The following TTC34 variants were observed in gnomAD, a reference collection of about 807,000 sequenced individuals.
The protein encoded by TTC34 is tetratricopeptide repeat protein 34.
In TTC34, 44 loss-of-function variants were observed where a neutral mutation model predicts 40.7. The ratio of observed to expected loss-of-function variants is 1.08; its 90% CI spans 0.85 to 1.39. The LOEUF is 1.39. Among genes scored for constraint, TTC34 ranks in the 40% most tolerant of loss-of-function variants. TTC34 has a pLI of 0.00. For missense variants in TTC34, 884 were observed against 838.0 expected (o/e 1.05, Z -0.68); for synonymous variants, 422 against 398.6 (o/e 1.06, Z -0.70).
chr1:2,755,849 GAAC>G (rs1641487584), intron 6 of TTC34, among the ~76,000 whole-genome samples: 1 of 83,644 alleles, frequency 1.2e-5, no homozygotes. Flanking sequence ...CGACAGCCTG[GAAC>G]ATCACCCACA....
intron 6 of TTC34, among the ~76,000 whole-genome samples, chr1:2,750,502 A>G (rs1366945781): frequency 1.5e-5 from 2 of 137,162 alleles, no homozygotes; most frequent in African/African-American, 3.0e-5. Flanking sequence ...TGAGCATTGG[A>G]CAGCCTGGAT....
At position 2,789,596 on chromosome 1, in the gene TTC34, C is replaced by T. The variant is rs1228485580; in HGVS notation, c.1535G>A (p.Arg512His). The change falls in exon 3 of 9, where the codon CGT (arginine) becomes CAT (histidine). Residue 512 changes from arginine (R) to histidine (H), a missense_variant. Coordinates refer to ENST00000401095, the Ensembl canonical transcript of TTC34. ...GCGTGGAGATCGCTGCAGCATCCCA[C>T]GGGCCTCCTCCCGCAGCACCACCAG... 6.4e-6 allele frequency: 9 copies of T among 1,410,064 alleles called. No homozygotes were observed. The East Asian group carries it at 2.1e-4, about 33-fold the overall frequency. The allele number at this position is 1,410,064 out of a possible 1,614,324, so 87.3% of individuals were successfully genotyped here.
At chr1:2,797,471 T>G (rs1425707906) in intron 2 of TTC34, among the ~76,000 whole-genome samples, 1 of 152,142 alleles carries the variant, frequency 6.6e-6, no homozygotes, top group Non-Finnish European at 1.5e-5. Context: ...CCCCCCTTTT[T>G]CAAACTGAGC....
At chr1:2,699,426 T>C (rs978410695) in intron 6 of TTC34, among the ~76,000 whole-genome samples, 1 of 90,038 alleles carries the variant, frequency 1.1e-5, no homozygotes, top group African/African-American at 3.6e-5. Flanking sequence ...AAGGTGAGTA[T>C]CTGACAGCCT....
At chr1:2,683,926 A>C (rs1640200413) in intron 6 of TTC34, among the ~76,000 whole-genome samples, 1 of 146,344 alleles carries the variant, frequency 6.8e-6, no homozygotes, top group Non-Finnish European at 1.5e-5. Flanking sequence ...CCAGGTGAGC[A>C]TCTGATGGTC....
At chr1:2,683,415 T>A (rs1640168977) in intron 6 of TTC34, among the ~76,000 whole-genome samples, 2 of 124,148 alleles carry the variant, frequency 1.6e-5, no homozygotes, top group African/African-American at 6.6e-5. Context: ...TCCGATAGCC[T>A]GGAACACCAC....
chr1:2,688,933 C>A (rs78635824), intron 6 of TTC34, among the ~76,000 whole-genome samples: 2 of 48,454 alleles, frequency 4.1e-5, no homozygotes, highest in African/African-American at 1.1e-4. Context: ...GCACCCACAT[C>A]CCCAGGTGAG....
At chr1:2,690,333 C>T (rs555039384) in intron 6 of TTC34, among the ~76,000 whole-genome samples, 10 of 150,352 alleles carry the variant, frequency 6.7e-5, no homozygotes, top group East Asian at 2.0e-4. Flanking sequence ...CAGAGCAGCA[C>T]CCATACCCCC....
intron 6 of TTC34, among the ~76,000 whole-genome samples, chr1:2,757,061 C>CCTG (rs1641531031): frequency 8.3e-6 from 1 of 120,872 alleles, no homozygotes; most frequent in Non-Finnish European, 1.7e-5. Flanking sequence ...GGAACAGGAC[C>CCTG]CACACCCCCA....
At chr1:2,643,175 T>A (rs557731453) in intron 8 of TTC34, among the ~76,000 whole-genome samples, 1 of 152,112 alleles carries the variant, frequency 6.6e-6, no homozygotes. Flanking sequence ...CAGACTCCCC[T>A]GAGCCCGCGG....
intron 6 of TTC34, among the ~76,000 whole-genome samples, chr1:2,685,238 C>CT (rs1439408351): frequency 2.2e-4 from 7 of 31,480 alleles, no homozygotes; most frequent in Admixed American, 7.8e-4. Flanking sequence ...AGCACCCACA[C>CT]CCCAGGTGAG....
chr1:2,685,988 C>A lies in TTC34; in HGVS notation c.2227-40425G>T. Among the ~76,000 whole-genome samples the A allele has an allele frequency of 2.0e-5, 2 of 98,712 alleles. 1 individual carries two copies. The highest frequency in any genetic ancestry group is 4.0e-5 in the Non-Finnish European group (2 of 49,878). The allele number at this position is 98,712 out of a possible 152,430, so 64.8% of individuals were successfully genotyped here. ...CAGGCGAGCATCTGACTGCATGTATCAGCACCCACACCCCCAGGTGAGCAT... is the reference window on the plus strand; with the variant it reads ...CAGGCGAGCATCTGACTGCATGTATAAGCACCCACACCCCCAGGTGAGCAT... On this transcript the variant is annotated intron_variant, in intron 6 of 8. Coordinates refer to ENST00000401095, the Ensembl canonical transcript of TTC34.
In TTC34 at chr1:2,645,347, C is replaced by T. The variant is rs778083580; in HGVS notation, c.2443G>A (p.Asp815Asn). ...AGGTGCCAGTGCGGTTGCCCTGAGT[C>T]GATTTTGATCAGCGCCTCCCCCACA... The change falls in exon 7 of 9, where the codon GAC (aspartate) becomes AAC (asparagine). Residue 815 changes from aspartate to asparagine, a missense_variant. Asp to Asn is a conservative substitution (Grantham distance 23). Coordinates refer to ENST00000401095, the Ensembl canonical transcript of TTC34. This position sits in a 1 kb window ranked among gnomAD's most constrained non-coding sequence, Gnocchi z 4.7. The T allele has an allele frequency of 2.9e-5, 44 of 1,527,272 alleles. No homozygotes were observed. The highest frequency in any genetic ancestry group is 1.1e-4 in the South Asian group (9 of 83,478). 94.6% of individuals were successfully genotyped at this position (1,527,272 alleles called of 1,614,324 possible). A position where few individuals can be genotyped will look rare whatever the true frequency, so the allele number is the denominator to read the frequency against.
chr1:2,649,954 G>A (rs1639094898), intron 6 of TTC34, among the ~76,000 whole-genome samples: 1 of 149,086 alleles, frequency 6.7e-6, no homozygotes, highest in African/African-American at 2.5e-5. Flanking sequence ...TGACAGCCTG[G>A]AATGGCACTC....
chr1:2,637,692 C>A (rs1638819586), exon 9 of TTC34: 1 of 152,196 alleles, frequency 6.6e-6, no homozygotes, highest in South Asian at 2.1e-4. Context: ...GAGTGTCCAG[C>A]AGCACTAACA....
At chr1:2,644,673 C>A (rs1181539801) in intron 7 of TTC34, among the ~76,000 whole-genome samples, 195 bp from the exon 8 acceptor site, 1 of 152,176 alleles carries the variant, frequency 6.6e-6, no homozygotes, top group Non-Finnish European at 1.5e-5. Flanking sequence ...ACCTCTGACC[C>A]CACTCCATGA....
intron 6 of TTC34, among the ~76,000 whole-genome samples, chr1:2,764,637 TGG>T (rs1641747627): frequency 4.6e-5 from 5 of 108,102 alleles, no homozygotes; most frequent in African/African-American, 1.6e-4. Flanking sequence ...GGTGAGCATC[TGG>T]CAACCTGGAA....
chr1:2,756,736 A>G (rs1641520068), intron 6 of TTC34, among the ~76,000 whole-genome samples: 5 of 90,792 alleles, frequency 5.5e-5, no homozygotes, highest in Non-Finnish European at 1.1e-4. Context: ...AGGCTGGAGC[A>G]GCACGCACAC....
intron 6 of TTC34, among the ~76,000 whole-genome samples, chr1:2,771,563 A>C (rs1266593480): frequency 0.021 from 500 of 24,212 alleles, no homozygotes; most frequent in South Asian, 0.038. Context: ...AGCACACACA[A>C]CCCCAGGCGA....
Sources: allele counts gnomAD v4.1 joint callset (sites outside exome capture counted in the v4.1 genomes callset), GRCh38; gene constraint gnomAD v4.1.1; non-coding constraint Gnocchi (gnomAD v3.1); transcripts MANE v1.5; gene names NCBI Gene and HGNC (gene_info 2026-07-23, HGNC 2026-07-21).